SMARCAD1: variants seen among roughly 807,000 people sequenced by gnomAD.
The protein encoded by SMARCAD1 is SNF2 related chromatin remodeling ATPase with DExD box 1.
SMARCAD1 carries 25 observed loss-of-function variants against 127.1 expected under a neutral mutation model. The ratio of observed to expected loss-of-function variants is 0.20; its 90% CI spans 0.14 to 0.27. SMARCAD1 has a LOEUF of 0.27. Ranked by LOEUF, SMARCAD1 falls within the 10% of genes least tolerant of loss-of-function variation. SMARCAD1 has a pLI of 1.00. For synonymous variants in SMARCAD1, 400 were observed against 396.9 expected (o/e 1.01, Z -0.09); for missense variants, 807 against 1,206.0 (o/e 0.67, Z 4.90).
At chr4:94,275,017 TA>T (rs1270150220) in intron 14 of SMARCAD1, 52 bp downstream of exon 14, 1 of 1,286,646 alleles carries the variant, frequency 7.8e-7, no homozygotes, top group African/African-American at 1.5e-5. Flanking sequence ...CCCCCAAATT[TA>T]AAAAAGAAAT....
At chr4:94,253,561 C>T (rs1282887363) in intron 9 of SMARCAD1, 10 of 1,084,736 alleles carry the variant, frequency 9.2e-6, no homozygotes, top group Admixed American at 4.9e-5. Flanking sequence ...GGTTAAGCAA[C>T]GTGGCCATTT....
At chr4:94,236,684 A>T (rs9991214) in intron 4 of SMARCAD1, among the ~76,000 whole-genome samples, 22,997 of 152,108 alleles carry the variant, frequency 0.15, 1,954 homozygotes, top group Middle Eastern at 0.22. Flanking sequence ...AAACCTAGAA[A>T]ATACTGTATA....
chr4:94,236,247 T>TTTTAA (rs1465338911), intron 4 of SMARCAD1, among the ~76,000 whole-genome samples: 12 of 152,174 alleles, frequency 7.9e-5, no homozygotes, highest in Non-Finnish European at 8.8e-5. Context: ...AGTAAGATCT[T>TTTTAA]TTTAAAACAA....
Position 94,226,265 on chromosome 4 carries a change from A to G in SMARCAD1, c.337A>G (p.Lys113Glu), listed in dbSNP as rs577058645. The G allele has an allele frequency of 6.2e-7, 1 of 1,613,188 alleles. No homozygotes were observed. Among genetic ancestry groups the G allele is most frequent in the East Asian group, 2.2e-5 (1 of 44,766 alleles). ...SPNCSNTVQE[K>E]TFNKDTVIIV... ...AAATTGCTCCAATACAGTTCAAGAGAAAACATTCAACAAAGATACAGTGAT... is the reference window on the plus strand; with the variant it reads ...AAATTGCTCCAATACAGTTCAAGAGGAAACATTCAACAAAGATACAGTGAT... Residue 113 changes from lysine to glutamate, a missense_variant, in exon 3 of 24, where the codon AAA (lysine) becomes GAA (glutamate). By Grantham distance (56) the Lys-to-Glu change is moderately conservative (BLOSUM62 1). This residue lies in a region of SMARCAD1 where 175 missense variants were observed against 169.5 expected (regional missense o/e 1.03). Transcript: ENST00000354268.
intron 2 of SMARCAD1, among the ~76,000 whole-genome samples, chr4:94,211,530 G>A (rs141988709): frequency 7.2e-5 from 11 of 152,248 alleles, no homozygotes; most frequent in East Asian, 5.8e-4. Flanking sequence ...ATAATGCTGC[G>A]TTAGTTTATT....
intron 9 of SMARCAD1, among the ~76,000 whole-genome samples, chr4:94,258,049 T>C (rs531855804): frequency 5.3e-5 from 8 of 152,274 alleles, no homozygotes; most frequent in African/African-American, 1.2e-4. Context: ...TCATTTTTTT[T>C]CCTAGTTGTT....
Position 94,289,770 on chromosome 4 carries a change from T to G in SMARCAD1, c.*236T>G, listed in dbSNP as rs933433390. Reference sequence around the variant, plus strand: ...AGTTCTGAAGATGTTGAATAATCATTTTACAAAGCAGTTTTCTGAATGGGG... The same window carrying G: ...AGTTCTGAAGATGTTGAATAATCATGTTACAAAGCAGTTTTCTGAATGGGG... On this transcript the variant is annotated 3_prime_UTR_variant, in exon 24 of 24. Coordinates refer to ENST00000354268, the MANE Select transcript of SMARCAD1 (RefSeq NM_020159.5). The G allele has an allele frequency of 1.3e-5, 8 of 614,692 alleles. No homozygotes were observed. Among genetic ancestry groups the G allele is most frequent in the Non-Finnish European group, 2.1e-5 (7 of 327,934 alleles). The allele number at this position is 614,692 out of a possible 1,614,324, so 38.1% of individuals were successfully genotyped here. A position where few individuals can be genotyped will look rare whatever the true frequency, so the allele number is the denominator to read the frequency against.
intron 16 of SMARCAD1, among the ~76,000 whole-genome samples, chr4:94,278,166 C>A (rs1029794278): frequency 2.3e-4 from 35 of 152,184 alleles, no homozygotes; most frequent in African/African-American, 8.4e-4. Flanking sequence ...TCTGAACACC[C>A]ATCTGGTACA....
At chr4:94,248,057 T>A (rs2125906115) in intron 6 of SMARCAD1, among the ~76,000 whole-genome samples, 1 of 152,272 alleles carries the variant, frequency 6.6e-6, no homozygotes, top group East Asian at 1.9e-4. Context: ...TGAACACGTG[T>A]ACCCAATGTT....
rs543380897 is a variant in SMARCAD1, at chr4:94,252,519, C to T, written c.890-97C>T. Reference sequence around the variant, plus strand: ...AATTGTCGTTGAATTCTTCTGTATTCAATAGGAATAGGTAAATGTTTTAAG... The same window carrying T: ...AATTGTCGTTGAATTCTTCTGTATTTAATAGGAATAGGTAAATGTTTTAAG... On this transcript the variant is annotated intron_variant, in intron 8 of 23. Transcript: ENST00000354268. The T allele has an allele frequency of 7.6e-6, 6 of 784,640 alleles. No individual in the cohort carries two copies. The South Asian group carries it at 1.2e-4, about 16-fold the overall frequency. 48.6% of individuals were successfully genotyped at this position (784,640 alleles called of 1,614,324 possible). A position where few individuals can be genotyped will look rare whatever the true frequency, so the allele number is the denominator to read the frequency against.
chr4:94,264,634 C>T lies in SMARCAD1; in HGVS notation c.1282-73C>T. ...TTTAAATTAGCAAACTTGTTTTCCT[C>T]ATAAAGAAATCAGGATTGCCTTTCT... is the stretch of plus-strand genomic sequence containing the variant. On this transcript the variant is annotated intron_variant, in intron 9 of 23. Transcript: ENST00000354268. The T allele has an allele frequency of 4.4e-6, 6 of 1,348,508 alleles. No homozygotes were observed. In the South Asian group the frequency reaches 7.8e-5, roughly 18 times the overall value. The allele number at this position is 1,348,508 out of a possible 1,614,324, so 83.5% of individuals were successfully genotyped here. A position where few individuals can be genotyped will look rare whatever the true frequency, so the allele number is the denominator to read the frequency against.
chr4:94,228,356 A>T (rs2632410), intron 3 of SMARCAD1, among the ~76,000 whole-genome samples: 83,455 of 151,998 alleles, frequency 0.55, 23,415 homozygotes, highest in East Asian at 0.72. Flanking sequence ...CAATTACAAT[A>T]ACTACTGAAC....
At chr4:94,275,059 T>C (rs970054501) in intron 14 of SMARCAD1, 94 bp downstream of exon 14, 6 of 889,248 alleles carry the variant, frequency 6.7e-6, no homozygotes, top group Admixed American at 1.8e-5. Context: ...AAGTTTATGC[T>C]GTTAACTGTG....
intron 22 of SMARCAD1, among the ~76,000 whole-genome samples, chr4:94,284,458 G>A (rs887765343): frequency 6.6e-6 from 1 of 151,590 alleles, no homozygotes; most frequent in Non-Finnish European, 1.5e-5. Context: ...GAGTGCAGTG[G>A]CACCATCTCT....
At chr4:94,245,276 A>T (rs1560534855) in intron 6 of SMARCAD1, among the ~76,000 whole-genome samples, 1 of 152,250 alleles carries the variant, frequency 6.6e-6, no homozygotes, top group Non-Finnish European at 1.5e-5. Context: ...GGCTGTATGG[A>T]TGCAGAAGAT....
rs181567860 is a variant in SMARCAD1, at chr4:94,264,799, T to C, written c.1374T>C (p.Leu458=). 157 of 1,613,030 alleles carry C rather than the reference T, an allele frequency of 9.7e-5. No homozygotes were observed. The East Asian group carries it at 3.3e-3, about 34-fold the overall frequency. Residue 458 remains leucine, a synonymous_variant, in exon 10 of 24, where the codon CTT becomes CTC. Coordinates refer to ENST00000354268, the MANE Select transcript of SMARCAD1 (RefSeq NM_020159.5). ...LIQERDVVIR[L]MNKCEDISNK... ...AAGAAAGAGATGTAGTTATAAGGCT[T>C]ATGAACAAATGTGAAGACATTTCAA... is the stretch of plus-strand genomic sequence containing the variant.
At chr4:94,213,706 A>C (rs540015430) in intron 2 of SMARCAD1, among the ~76,000 whole-genome samples, 43 of 152,338 alleles carry the variant, frequency 2.8e-4, no homozygotes, top group Admixed American at 1.4e-3. Flanking sequence ...TGGAGGATTT[A>C]CAGATAACTC....
intron 2 of SMARCAD1, among the ~76,000 whole-genome samples, chr4:94,214,008 C>G (rs1221547161): frequency 6.6e-6 from 1 of 152,022 alleles, no homozygotes; most frequent in Non-Finnish European, 1.5e-5. Flanking sequence ...ATGATAGTGT[C>G]CTGGATACCT....
chr4:94,244,802 GCT>G (rs1226366021), intron 6 of SMARCAD1, among the ~76,000 whole-genome samples: 4 of 150,700 alleles, frequency 2.7e-5, no homozygotes, highest in African/African-American at 7.3e-5. Flanking sequence ...AGTGTATCAA[GCT>G]CTCTCTCTAC....
Sources: gnomAD v4.1 joint callset for allele counts (sites outside exome capture counted in the v4.1 genomes callset) on GRCh38, gnomAD v4.1.1 for gene constraint, gnomAD v4.1.1 regional missense constraint, MANE v1.5 for transcripts, NCBI Gene and HGNC (gene_info 2026-07-23, HGNC 2026-07-21) for gene names.